The following HTR1D variants were observed in gnomAD, a reference collection of about 807,000 sequenced individuals.
HTR1D encodes 5-HT-1D.
A neutral mutation model predicts 21.1 loss-of-function variants in HTR1D; 18 were observed. The observed-to-expected ratio is 0.85, with a 90% CI of 0.59 to 1.27. HTR1D has a LOEUF of 1.27. HTR1D is among the 50% of genes most tolerant of loss of function. The pLI is 0.00. For missense variants in HTR1D, 456 were observed against 481.4 expected, an observed-to-expected ratio of 0.95 and a Z score of 0.49; for synonymous variants, 196 against 204.4, an observed-to-expected ratio of 0.96 and a Z score of 0.35.
intron 1 of HTR1D, among the ~76,000 whole-genome samples, chr1:23,201,774 G>A (rs1644710144): frequency 6.6e-6 from 1 of 151,480 alleles, no homozygotes; most frequent in African/African-American, 2.4e-5. Flanking sequence ...GGCTGGTATG[G>A]AACTCCTGGG....
At chr1:23,199,262 C>T (rs113923197) in intron 1 of HTR1D, among the ~76,000 whole-genome samples, 3 of 151,412 alleles carry the variant, frequency 2.0e-5, no homozygotes, top group African/African-American at 4.8e-5. Context: ...CACAGATACA[C>T]ACTACCACTC....
At chr1:23,205,390 GA>G (rs35154579) in intron 1 of HTR1D, among the ~76,000 whole-genome samples, 1 of 151,752 alleles carries the variant, frequency 6.6e-6, no homozygotes, top group Admixed American at 6.6e-5. Flanking sequence ...TAACCTATGG[GA>G]AAAAAAAGTA....
chr1:23,213,991 C>G (rs193238408), intron 1 of HTR1D, among the ~76,000 whole-genome samples: 1 of 152,222 alleles, frequency 6.6e-6, no homozygotes, highest in Non-Finnish European at 1.5e-5. Context: ...TCATTGCCTA[C>G]TGCTGGAAGT....
chr1:23,212,963 A>AT (rs1644759522), intron 1 of HTR1D, among the ~76,000 whole-genome samples: 1 of 151,972 alleles, frequency 6.6e-6, no homozygotes, highest in Non-Finnish European at 1.5e-5. Context: ...AGCAGCTGGG[A>AT]TTACAGGTGC....
chr1:23,204,404 C>T (rs1014562290), intron 1 of HTR1D, among the ~76,000 whole-genome samples: 1 of 152,212 alleles, frequency 6.6e-6, no homozygotes, highest in Non-Finnish European at 1.5e-5. Flanking sequence ...GGATTACAGG[C>T]ATGAGCCACC....
chr1:23,212,030 C>T (rs903472988), intron 1 of HTR1D, among the ~76,000 whole-genome samples: 2 of 152,094 alleles, frequency 1.3e-5, no homozygotes, highest in African/African-American at 4.8e-5. Context: ...CATTTCCTCT[C>T]ATCCTCCTAT....
chr1:23,193,464 C>A lies in HTR1D; in HGVS notation c.756G>T (p.Ser252=). The A allele has an allele frequency of 6.2e-7, 1 of 1,614,072 alleles. No homozygotes were observed. Among genetic ancestry groups the A allele is most frequent in the African/African-American group, 1.3e-5 (1 of 75,026 alleles). Residue 252 remains serine (S), a synonymous_variant, in exon 2 of 2, where the codon TCG becomes TCT. Transcript: ENST00000374619. ...GGAGGCTGGAGTTGAGCGAGCAGAG[C>A]GAGGACCCGGCAGAGCCTGTGATGA... ...AHLITGSAGS[S]LCSLNSSLHE... is the part of the protein sequence containing the mutation.
rs146071014 is a variant in HTR1D at position 23,193,123 on chromosome 1, G to T, written c.1097C>A (p.Ala366Asp). The change falls in exon 2 of 2, where the codon GCT becomes GAT. Residue 366 changes from alanine to aspartate, a missense_variant. Transcript: ENST00000374619. ...YTVFNEEFRQ[A>D]FQKIVPFRKA... ...CCGGAAAGGGACAATTTTCTGAAAA[G>T]CTTGCCGAAACTCTTCATTAAACAC... 7.4e-6 allele frequency: 12 copies of T among 1,611,136 alleles called. No individual in the cohort carries two copies. In the East Asian group the frequency reaches 2.0e-4, roughly 27 times the overall value.
chr1:23,210,717 T>G (rs2148243782), intron 1 of HTR1D, among the ~76,000 whole-genome samples: 1 of 152,206 alleles, frequency 6.6e-6, no homozygotes, highest in East Asian at 1.9e-4. Context: ...TCTGGCATTT[T>G]CAAGTCTCCC....
chr1:23,206,908 C>T (rs1162540064), intron 1 of HTR1D, among the ~76,000 whole-genome samples: 1 of 152,174 alleles, frequency 6.6e-6, no homozygotes, highest in Non-Finnish European at 1.5e-5. Flanking sequence ...GGGGAATGGG[C>T]CCTGAGAACA....
chr1:23,201,007 A>T (rs1173716660), intron 1 of HTR1D, among the ~76,000 whole-genome samples: 1 of 152,124 alleles, frequency 6.6e-6, no homozygotes, highest in African/African-American at 2.4e-5. Context: ...GGCATCTCTG[A>T]AGAGGGGTGG....
chr1:23,193,716 G>A lies in HTR1D; in HGVS notation c.504C>T (p.Cys168=). The change falls in exon 2 of 2, where the codon TGC becomes TGT. Residue 168 remains cysteine, a synonymous_variant. Coordinates refer to ENST00000374619, the MANE Select transcript of HTR1D (RefSeq NM_000864.5). ...GCCAGAAGAGCGGGGGGATGGAGAT[G>A]CAGATGGAGATGGCCCAGACAATGG... The part of the protein sequence containing the change: ...MIAIVWAISI[C]ISIPPLFWRQ... 8 of 1,614,096 alleles carry A rather than the reference G, an allele frequency of 5.0e-6. No individual in the cohort carries two copies. The highest frequency in any genetic ancestry group is 6.8e-6 in the Non-Finnish European group (8 of 1,180,004).
Position 23,193,235 on chromosome 1 carries a change from C to T in HTR1D, c.985G>A (p.Asp329Asn), listed in dbSNP as rs1191967512. ...VVSLVLPICR[D>N]SCWIHPALFD... ...AGCGCCGGGTGGATCCAGCAGGAGT[C>T]CCGGCAGATGGGGAGGACCAGAGAC... is the stretch of plus-strand genomic sequence containing the variant. Residue 329 changes from aspartate (D) to asparagine (N), a missense_variant, in exon 2 of 2, where the codon GAC becomes AAC. Physicochemically the swap from Asp to Asn is conservative, Grantham distance 23. Transcript: ENST00000374619. 3.4e-5 allele frequency: 55 copies of T among 1,614,090 alleles called. No individual in the cohort carries two copies. Among genetic ancestry groups the T allele is most frequent in the Non-Finnish European group, 4.6e-5 (54 of 1,180,028 alleles).
Position 23,194,411 on chromosome 1 carries a change from CAATAAT to C in HTR1D, c.-198_-193del. On this transcript the variant is annotated 5_prime_UTR_variant, in exon 2 of 2. Coordinates refer to ENST00000374619, the MANE Select transcript of HTR1D (RefSeq NM_000864.5). The stretch of plus-strand genomic sequence containing the variant: ...GTTGCAATAAAATAAAATTAAATAA[CAATAAT>C]AATAATAATATTAAACAAGACCGGA... The C allele has an allele frequency of 2.4e-6, 1 of 419,428 alleles. No homozygotes were observed. Among genetic ancestry groups the C allele is most frequent in the South Asian group, 5.8e-5 (1 of 17,302 alleles). The allele number at this position is 419,428 out of a possible 1,614,324, so 26.0% of individuals were successfully genotyped here. A position where few individuals can be genotyped will look rare whatever the true frequency, so the allele number is the denominator to read the frequency against.
intron 1 of HTR1D, among the ~76,000 whole-genome samples, chr1:23,196,336 CG>C (rs1325133079): frequency 4.0e-5 from 6 of 151,186 alleles, no homozygotes; most frequent in Non-Finnish European, 8.8e-5. Context: ...CCCAGCTACT[CG>C]GGAGGCTGAG....
chr1:23,193,479 G>C lies in HTR1D; in HGVS notation c.741C>G (p.Gly247=). Residue 247 remains glycine, a synonymous_variant, in exon 2 of 2, where the codon GGC becomes GGG. Transcript: ENST00000374619. ...KRFTTAHLIT[G]SAGSSLCSLN... is the part of the protein sequence containing the mutation. ...GCGAGCAGAGCGAGGACCCGGCAGA[G>C]CCTGTGATGAGGTGGGCCGTGGTGA... 1 of 1,614,140 alleles carries C rather than the reference G, an allele frequency of 6.2e-7. No individual in the cohort carries two copies. Among genetic ancestry groups the C allele is most frequent in the Admixed American group, 1.7e-5 (1 of 60,034 alleles).
chr1:23,197,456 C>T (rs1644693084), intron 1 of HTR1D, among the ~76,000 whole-genome samples: 1 of 152,164 alleles, frequency 6.6e-6, no homozygotes, highest in East Asian at 1.9e-4. Context: ...ACAGGCCAGG[C>T]GTGGTGGCTC....
At chr1:23,213,846 C>T (rs78797414) in intron 1 of HTR1D, among the ~76,000 whole-genome samples, 1 of 152,132 alleles carries the variant, frequency 6.6e-6, no homozygotes, top group Non-Finnish European at 1.5e-5. Flanking sequence ...GTGTGAGCCA[C>T]GCTACCCAGC....
chr1:23,200,002 G>T (rs113890234), intron 1 of HTR1D, among the ~76,000 whole-genome samples: 5 of 152,152 alleles, frequency 3.3e-5, no homozygotes, highest in African/African-American at 1.2e-4. Context: ...CACCGTGCTC[G>T]GTAGTATATG....
Sources: gnomAD v4.1 joint callset for allele counts (sites outside exome capture counted in the v4.1 genomes callset) on GRCh38, gnomAD v4.1.1 for gene constraint, MANE v1.5 for transcripts, NCBI Gene and HGNC (gene_info 2026-07-23, HGNC 2026-07-21) for gene names.